Variants in RP1 observed in about 807,000 individuals in gnomAD.
The protein encoded by RP1 is oxygen-regulated protein 1.
In RP1, 16 loss-of-function variants were observed where a neutral mutation model predicts 14.8. The ratio of observed to expected loss-of-function variants is 1.08; its 90% CI spans 0.73 to 1.65. The LOEUF (loss-of-function observed/expected upper bound fraction) is 1.65, where lower values mean the gene tolerates loss of function less well. Among genes scored for constraint, RP1 ranks in the 40% most tolerant of loss-of-function variants. RP1 has a pLI of 0.00. For synonymous variants in RP1, 876 were observed against 883.6 expected (o/e 0.99, Z 0.15); for missense variants, 2,631 against 2,535.0 (o/e 1.04, Z -0.81).
intron 24 of RP1, among the ~76,000 whole-genome samples, chr8:54,795,472 G>C (rs544115272): frequency 6.6e-6 from 1 of 152,170 alleles, no homozygotes; most frequent in Non-Finnish European, 1.5e-5. Flanking sequence ...CTAAATTTTA[G>C]AACAAAAATA....
At position 54,706,691 on chromosome 8, in the gene RP1, T is replaced by G. The variant is rs148667941; in HGVS notation, c.2211+36T>G. 61 of 1,531,734 alleles carry G rather than the reference T, an allele frequency of 4.0e-5. No individual in the cohort carries two copies. The African/African-American group carries it at 6.6e-4, about 17-fold the overall frequency. 94.9% of individuals were successfully genotyped at this position (1,531,734 alleles called of 1,614,324 possible). A position where few individuals can be genotyped will look rare whatever the true frequency, so the allele number is the denominator to read the frequency against. ...GCTCTTGTTTCTCTCAGCAAATGTT[T>G]AAGACATTTGCCAGTTGTAGACATG... is the stretch of plus-strand genomic sequence containing the variant. On this transcript the variant is annotated intron_variant, in intron 15 of 22. Transcript: ENST00000636932.
Position 54,602,248 on chromosome 8 carries a change from C to T in RP1, c.-12-18707C>T, listed in dbSNP as rs887065839. Among the ~76,000 whole-genome samples the T allele has an allele frequency of 1.1e-4, 17 of 152,148 alleles. 2 individuals are homozygous for T. Among genetic ancestry groups the T allele is most frequent in the Admixed American group, 9.8e-4 (15 of 15,260 alleles). On this transcript the variant is annotated intron_variant, in intron 1 of 22. Coordinates refer to the RP1 transcript ENST00000636932. ...TCCCCTTTCTGTGTCCATGTGTTCT[C>T]ATTGTTCAATTACCACCTATGAGTG... is the stretch of plus-strand genomic sequence containing the variant.
At chr8:54,688,627 G>A (rs1190690386) in intron 12 of RP1, among the ~76,000 whole-genome samples, 1 of 152,140 alleles carries the variant, frequency 6.6e-6, no homozygotes, top group Non-Finnish European at 1.5e-5. Flanking sequence ...GGTTGTAGAT[G>A]TGTGGTGTTA....
At chr8:54,713,745 T>C (rs1585629429) in intron 15 of RP1, among the ~76,000 whole-genome samples, 1 of 152,254 alleles carries the variant, frequency 6.6e-6, no homozygotes, top group Non-Finnish European at 1.5e-5. Context: ...CTTAGTTTTA[T>C]GTAAAAATTA....
chr8:54,861,727 C>T (rs115564987), intron 27 of RP1, among the ~76,000 whole-genome samples: 2,866 of 152,198 alleles, frequency 0.019, 79 homozygotes, highest in African/African-American at 0.063. Context: ...CTCAGCCTCC[C>T]GAGTGGCTTG....
chr8:54,852,460 C>T, intron 25 of RP1: 1 of 693,858 alleles, frequency 1.4e-6, no homozygotes, highest in Non-Finnish European at 2.0e-6. Context: ...AGAGTTGGGG[C>T]CAAGTATCAT....
intron 8 of RP1, chr8:54,678,341 G>A (rs1402319542): frequency 1.3e-6 from 1 of 762,564 alleles, no homozygotes; most frequent in African/African-American, 1.8e-5. Flanking sequence ...AAGTACTAAA[G>A]CTTTATATTG....
chr8:54,865,388 T>C (rs1812435553), intron 27 of RP1, among the ~76,000 whole-genome samples: 2 of 151,898 alleles, frequency 1.3e-5, no homozygotes, highest in Non-Finnish European at 2.9e-5. Flanking sequence ...CCTTCTTTCC[T>C]TACTTTCATT....
At chr8:54,810,134 AT>A (rs1447512573) in intron 24 of RP1, among the ~76,000 whole-genome samples, 11 of 152,194 alleles carry the variant, frequency 7.2e-5, no homozygotes, top group African/African-American at 2.4e-4. Flanking sequence ...TTCAGAAAAA[AT>A]AAACATAATT....
chr8:54,592,734 T>A (rs764579260), intron 1 of RP1, among the ~76,000 whole-genome samples: 4 of 152,174 alleles, frequency 2.6e-5, no homozygotes, highest in Admixed American at 6.5e-5. Context: ...TATCAAGGAC[T>A]CTTATCTTCC....
rs564116415 is a variant in RP1 at position 54,586,608 on chromosome 8, A to G, written c.-13+27288A>G. ...CTGCCCCCAGAGGTGGAGTCTACAG[A>G]GGCAGGCAGGCCTCCTTGAGGTGCT... On this transcript the variant is annotated intron_variant, in intron 1 of 22. Coordinates refer to the RP1 transcript ENST00000636932. Among the ~76,000 whole-genome samples, 3 of 151,848 alleles carry G rather than the reference A, an allele frequency of 2.0e-5. No homozygotes were observed. In the East Asian group the frequency reaches 5.8e-4, roughly 29 times the overall value.
At chr8:54,567,968 C>T (rs4425732) in intron 1 of RP1, among the ~76,000 whole-genome samples, 33,592 of 152,138 alleles carry the variant, frequency 0.22, 4,110 homozygotes, top group East Asian at 0.28. Context: ...ATTTCTTTCT[C>T]ATTAAAAAAT....
intron 12 of RP1, among the ~76,000 whole-genome samples, chr8:54,695,165 T>C (rs1432029021): frequency 6.6e-6 from 1 of 152,190 alleles, no homozygotes; most frequent in African/African-American, 2.4e-5. Flanking sequence ...TCTAGTTTGA[T>C]TGCACTGTGG....
intron 1 of RP1, among the ~76,000 whole-genome samples, chr8:54,605,451 A>C (rs1158539757): frequency 2.0e-5 from 3 of 152,136 alleles, no homozygotes; most frequent in African/African-American, 7.2e-5. Flanking sequence ...GAAGTGCTTT[A>C]CTTCCAACTA....
intron 12 of RP1, among the ~76,000 whole-genome samples, chr8:54,694,910 T>C (rs1807818014): frequency 6.6e-6 from 1 of 152,186 alleles, no homozygotes; most frequent in African/African-American, 2.4e-5. Context: ...AATTGTGATG[T>C]TAGGATGTCA....
chr8:54,578,105 G>C (rs995506198), intron 1 of RP1, among the ~76,000 whole-genome samples: 1 of 151,028 alleles, frequency 6.6e-6, no homozygotes, highest in East Asian at 2.0e-4. Flanking sequence ...CTCCTCCCCC[G>C]ACCCCACAAC....
chr8:54,691,960 TCCCCCCTCCCCCAA>T (rs1230354042), intron 12 of RP1, among the ~76,000 whole-genome samples: 2 of 151,774 alleles, frequency 1.3e-5, no homozygotes, highest in Non-Finnish European at 2.9e-5. Flanking sequence ...ATGCTGTCGC[TCCCCCCTCCCCCAA>T]CCCTACAACA....
downstream of RP1, among the ~76,000 whole-genome samples, chr8:54,631,024 T>A (rs1475894173): frequency 6.6e-6 from 1 of 152,180 alleles, no homozygotes; most frequent in Non-Finnish European, 1.5e-5. Context: ...GACTATATGA[T>A]GATATAGAAA....
intron 1 of RP1, among the ~76,000 whole-genome samples, chr8:54,598,722 A>G (rs1280175200): frequency 6.6e-6 from 1 of 152,114 alleles, no homozygotes; most frequent in African/African-American, 2.4e-5. Context: ...CCTCAAGGAT[A>G]TTTTTGCCGG....
Sources: allele counts gnomAD v4.1 joint callset (sites outside exome capture counted in the v4.1 genomes callset), GRCh38; gene constraint gnomAD v4.1.1; transcripts MANE v1.5; gene names NCBI Gene and HGNC (gene_info 2026-07-23, HGNC 2026-07-21).